Variants in LZTS1 observed in about 807,000 individuals in gnomAD.
LZTS1 encodes leucine zipper putative tumor suppressor 1.
A neutral mutation model predicts 45.8 loss-of-function variants in LZTS1; 31 were observed. The ratio of observed to expected loss-of-function variants is 0.68; its 90% CI spans 0.51 to 0.91. The LOEUF (loss-of-function observed/expected upper bound fraction) is 0.91. LZTS1 is among the 40% of genes least tolerant of loss of function. The probability of loss-of-function intolerance (pLI) is 0.00; values close to 1 mark genes in which losing one functional copy is unlikely to be tolerated. For synonymous variants in LZTS1, 359 were observed against 357.3 expected, an observed-to-expected ratio of 1.00 and a Z score of -0.05; for missense variants, 821 against 788.9, an observed-to-expected ratio of 1.04 and a Z score of -0.49.
At chr8:20,280,719 T>A (rs182085426) in intron 1 of LZTS1, among the ~76,000 whole-genome samples, 2 of 152,116 alleles carry the variant, frequency 1.3e-5, no homozygotes, top group Non-Finnish European at 2.9e-5. Context: ...GACAGTTCCC[T>A]TCCTTAAAGC....
intron 1 of LZTS1, among the ~76,000 whole-genome samples, chr8:20,262,819 A>C (rs1186168541): frequency 6.6e-6 from 1 of 152,184 alleles, no homozygotes; most frequent in African/African-American, 2.4e-5. Flanking sequence ...ATTTCACCCA[A>C]AATGTCAACG....
At chr8:20,281,192 T>C (rs1056242706) in intron 1 of LZTS1, among the ~76,000 whole-genome samples, 23 of 152,134 alleles carry the variant, frequency 1.5e-4, no homozygotes, top group Admixed American at 7.2e-4. Flanking sequence ...AAATCTCATG[T>C]TGAAATTTGA....
rs1032235412 is a variant in LZTS1, at chr8:20,247,760, G to A, written c.*1962C>T. On this transcript the variant is annotated 3_prime_UTR_variant, in exon 4 of 4. Transcript: ENST00000381569. ...AGGACCCATGAGGGCGGGGGGCAAG[G>A]AGAGAAGCATCTCCCCACCCCTACC... 1.3e-5 allele frequency: 2 copies of A among 152,448 alleles called. No homozygotes were observed. The highest frequency in any genetic ancestry group is 2.9e-5 in the Non-Finnish European group (2 of 68,134). The allele number at this position is 152,448 out of a possible 1,614,324, so 9.4% of individuals were successfully genotyped here. A position where few individuals can be genotyped will look rare whatever the true frequency, so the allele number is the denominator to read the frequency against.
In LZTS1 at chr8:20,251,638, T is replaced by C. The variant is rs556937880; in HGVS notation, c.1149+1144A>G. ...CTCTTGGCCAAATTTTGATGGGGGA[T>C]AGGGGTGGAAATAGAGAAGAAGAGC... On this transcript the variant is annotated intron_variant, in intron 3 of 3. Coordinates refer to ENST00000381569, the MANE Select transcript of LZTS1 (RefSeq NM_021020.5). 5.8e-4 allele frequency among the ~76,000 whole-genome samples: 89 copies of C among 152,142 alleles called. 2 individuals are homozygous for C. In the South Asian group the frequency reaches 0.017, roughly 30 times the overall value.
chr8:20,279,855 CA>C (rs1272333798), intron 1 of LZTS1, among the ~76,000 whole-genome samples: 1 of 151,458 alleles, frequency 6.6e-6, no homozygotes, highest in Non-Finnish European at 1.5e-5. Context: ...GGCATGGTAG[CA>C]CATGCCCGTA....
At chr8:20,294,774 T>C (rs1468560272) in intron 1 of LZTS1, among the ~76,000 whole-genome samples, 1 of 145,150 alleles carries the variant, frequency 6.9e-6, no homozygotes, top group Non-Finnish European at 1.5e-5. Context: ...GTGTAGATTG[T>C]CCTTCTGGAC....
intron 1 of LZTS1, among the ~76,000 whole-genome samples, chr8:20,296,068 T>C (rs557647456): frequency 8.5e-5 from 13 of 152,074 alleles, no homozygotes; most frequent in Admixed American, 3.3e-4. Flanking sequence ...ATGACTAAGG[T>C]GGTGGGTGGA....
intron 1 of LZTS1, among the ~76,000 whole-genome samples, chr8:20,255,723 G>A (rs1052961955): frequency 6.6e-6 from 1 of 152,122 alleles, no homozygotes; most frequent in African/African-American, 2.4e-5. Flanking sequence ...CTGGGAGGTG[G>A]CTGTTTTATG....
At chr8:20,267,616 A>G (rs572485974) in intron 1 of LZTS1, among the ~76,000 whole-genome samples, 1 of 152,246 alleles carries the variant, frequency 6.6e-6, no homozygotes, top group Admixed American at 6.5e-5. Context: ...CCCGGGTTCA[A>G]GTGACTCTTC....
intron 1 of LZTS1, among the ~76,000 whole-genome samples, chr8:20,292,147 G>C (rs1010051441): frequency 2.0e-5 from 3 of 152,262 alleles, no homozygotes; most frequent in Non-Finnish European, 4.4e-5. Flanking sequence ...GCGGGTACCA[G>C]GCTGAGGAAT....
intron 1 of LZTS1, among the ~76,000 whole-genome samples, chr8:20,267,118 AAAAAG>A (rs1272169163): frequency 4.7e-5 from 7 of 149,758 alleles, no homozygotes; most frequent in Non-Finnish European, 8.9e-5. Context: ...AAAAAAAAAA[AAAAAG>A]AAAAGAAAAA....
At position 20,250,047 on chromosome 8, in the gene LZTS1, C is replaced by T; in HGVS notation, c.1466G>A (p.Gly489Glu). The change falls in exon 4 of 4, where the codon GGG becomes GAG. Residue 489 changes from glycine (G) to glutamate (E), a missense_variant. Coordinates refer to ENST00000381569, the MANE Select transcript of LZTS1 (RefSeq NM_021020.5). ...GACGTCCTCGGGGAAGGTGGGCGGC[C>T]CCATGTCGCGGGCCAGGGCGGCCTG... Reference protein sequence around the residue: ...RAQAALARDMGPPTFPEDVPA... With the variant: ...RAQAALARDMEPPTFPEDVPA... 4 of 1,608,912 alleles carry T rather than the reference C, an allele frequency of 2.5e-6. No individual in the cohort carries two copies. The highest frequency in any genetic ancestry group is 3.4e-6 in the Non-Finnish European group (4 of 1,179,062).
intron 1 of LZTS1, among the ~76,000 whole-genome samples, chr8:20,281,553 A>G (rs1026076313): frequency 6.6e-6 from 1 of 152,154 alleles, no homozygotes; most frequent in Non-Finnish European, 1.5e-5. Context: ...CCTGGGCAAC[A>G]AGAGTGAAAC....
chr8:20,273,186 G>C (rs941087700), intron 1 of LZTS1, among the ~76,000 whole-genome samples: 2 of 152,028 alleles, frequency 1.3e-5, no homozygotes, highest in African/African-American at 4.8e-5. Flanking sequence ...TGTGTTTTTT[G>C]AAACACTGCT....
chr8:20,297,923 G>A (rs1046084185), intron 1 of LZTS1, among the ~76,000 whole-genome samples: 1 of 152,112 alleles, frequency 6.6e-6, no homozygotes, highest in Non-Finnish European at 1.5e-5. Context: ...ACAATTCGAT[G>A]AGCCTAAATC....
intron 1 of LZTS1, among the ~76,000 whole-genome samples, chr8:20,268,530 T>C (rs1366330985): frequency 6.6e-6 from 1 of 151,902 alleles, no homozygotes; most frequent in Non-Finnish European, 1.5e-5. Context: ...GGGAAAGGGG[T>C]TGGGGGCCAG....
At chr8:20,282,058 C>T (rs1287428934) in intron 1 of LZTS1, among the ~76,000 whole-genome samples, 1 of 152,132 alleles carries the variant, frequency 6.6e-6, no homozygotes, top group Non-Finnish European at 1.5e-5. Flanking sequence ...GTACTGCAAT[C>T]CCACCACCAA....
chr8:20,260,885 G>A (rs1204150371), intron 1 of LZTS1, among the ~76,000 whole-genome samples: 1 of 152,170 alleles, frequency 6.6e-6, no homozygotes, highest in Non-Finnish European at 1.5e-5. Context: ...GAGCTTTGAA[G>A]TTTGAGGAGA....
intron 1 of LZTS1, among the ~76,000 whole-genome samples, chr8:20,294,405 G>A (rs182041554): frequency 1.6e-4 from 25 of 152,370 alleles, no homozygotes; most frequent in Non-Finnish European, 3.1e-4. Context: ...AGGGCCAGCT[G>A]CGGGCCTGGC....
Sources: gnomAD v4.1 joint callset for allele counts (sites outside exome capture counted in the v4.1 genomes callset) on GRCh38, gnomAD v4.1.1 for gene constraint, MANE v1.5 for transcripts, NCBI Gene and HGNC (gene_info 2026-07-23, HGNC 2026-07-21) for gene names.